The following ADGRG1 variants were observed in gnomAD, a reference collection of about 807,000 sequenced individuals.
ADGRG1 encodes 7-transmembrane protein with no EGF-like N-terminal domains-1.
Under a neutral mutation model 73.5 loss-of-function variants are expected in ADGRG1, and 53 were observed. The observed-to-expected ratio is 0.72, with a 90% CI of 0.58 to 0.91. The LOEUF is 0.91. ADGRG1 is among the 40% of genes least tolerant of loss of function. The pLI is 0.00. For missense variants in ADGRG1, 795 were observed against 871.8 expected (o/e 0.91, Z 1.11); for synonymous variants, 394 against 374.4 (o/e 1.05, Z -0.60).
rs2046554150 is a variant in ADGRG1 at position 57,659,529 on chromosome 16, G to A, written c.1403G>A (p.Gly468Asp). The A allele has an allele frequency of 3.1e-6, 5 of 1,613,966 alleles. No homozygotes were observed. The highest frequency in any genetic ancestry group is 4.2e-6 in the Non-Finnish European group (5 of 1,180,014). The change falls in exon 11 of 14, where the codon GGC (glycine) becomes GAC (aspartate). Residue 468 changes from glycine to aspartate, a missense_variant. By Grantham distance (94) the Gly-to-Asp change is moderately conservative. Coordinates refer to ENST00000562631, the MANE Select transcript of ADGRG1 (RefSeq NM_201525.4). Reference sequence around the variant, plus strand: ...GTGGCCCTGACAGGCTCTGAGGCTGGCTGCCGAGCCAGTGCCATCTTCCTG... The same window carrying A: ...GTGGCCCTGACAGGCTCTGAGGCTGACTGCCGAGCCAGTGCCATCTTCCTG... ...EPVALTGSEA[G>D]CRASAIFLHF... is the part of the protein sequence containing the mutation.
intron 1 of ADGRG1, chr16:57,637,517 G>T: frequency 1.0e-6 from 1 of 985,408 alleles, no homozygotes; most frequent in Admixed American, 6.1e-5. Context: ...TTAAGCACAG[G>T]ATCCTTTGAT....
chr16:57,635,071 G>T, intron 1 of ADGRG1: 1 of 985,342 alleles, frequency 1.0e-6, no homozygotes, highest in Non-Finnish European at 1.2e-6. Flanking sequence ...GAGTGAACAG[G>T]GAGAGGCTGA....
intron 1 of ADGRG1, chr16:57,648,681 G>C (rs1304879867): frequency 1.0e-6 from 1 of 984,496 alleles, no homozygotes; most frequent in Non-Finnish European, 1.2e-6. Context: ...GACTCCACGT[G>C]TGTTCTCCGG....
upstream of ADGRG1, chr16:57,626,597 G>A (rs867292785): frequency 9.1e-6 from 9 of 985,446 alleles, no homozygotes; most frequent in African/African-American, 1.6e-4. Flanking sequence ...AGCCCCATAA[G>A]CCTCTCCTAT....
At chr16:57,625,613 C>A (rs2035692312), upstream of ADGRG1, 1 of 981,040 alleles carries the variant, frequency 1.0e-6, no homozygotes, top group East Asian at 1.1e-4. Flanking sequence ...GGGCTTCTCA[C>A]ACCTCCAATT....
intron 1 of ADGRG1, chr16:57,632,795 G>A (rs16958457): frequency 0.027 from 26,286 of 985,120 alleles, 993 homozygotes; most frequent in East Asian, 0.21. Flanking sequence ...TCCGGGCACC[G>A]GTGGACAGGC....
chr16:57,661,544 A>T (rs1367554901), intron 12 of ADGRG1, 153 bp from the exon 13 acceptor site: 1 of 984,384 alleles, frequency 1.0e-6, no homozygotes, highest in Non-Finnish European at 1.2e-6. Flanking sequence ...TGTTAACTCA[A>T]ATGTATTTTT....
At chr16:57,662,075 C>T in intron 13 of ADGRG1, 110 bp downstream of exon 13, 1 of 880,618 alleles carries the variant, frequency 1.1e-6, no homozygotes, top group Non-Finnish European at 1.9e-6. Flanking sequence ...GGGCCTCAGT[C>T]ATCCCATTCA....
At chr16:57,656,638 C>G in intron 9 of ADGRG1, 21 bp downstream of exon 9, 1 of 1,388,956 alleles carries the variant, frequency 7.2e-7, no homozygotes, top group Non-Finnish European at 1.0e-6. Flanking sequence ...CTGCTCCCAC[C>G]TCGCAGCCAC....
chr16:57,651,693 G>T, intron 3 of ADGRG1, 71 bp downstream of exon 3: 1 of 1,535,342 alleles, frequency 6.5e-7, no homozygotes. Context: ...AATGCAAAGT[G>T]GACTGGGCTC....
intron 1 of ADGRG1, chr16:57,632,077 G>A: frequency 1.0e-6 from 1 of 985,500 alleles, no homozygotes; most frequent in Non-Finnish European, 1.2e-6. Flanking sequence ...CCTGGGCTCA[G>A]TGCCTTGCAC....
At chr16:57,656,933 T>G (rs1274800180) in intron 9 of ADGRG1, among the ~76,000 whole-genome samples, 1 of 152,136 alleles carries the variant, frequency 6.6e-6, no homozygotes, top group Non-Finnish European at 1.5e-5. Flanking sequence ...CCAAGAGTGT[T>G]TCTAATGAGG....
At chr16:57,632,480 G>A (rs570514485) in intron 1 of ADGRG1, 1 of 308,186 alleles carries the variant, frequency 3.2e-6, no homozygotes, top group East Asian at 1.7e-4. Flanking sequence ...TCCCATACGT[G>A]GGAATGTTAA....
chr16:57,624,613 C>T (rs1410455811), upstream of ADGRG1: 1 of 422,440 alleles, frequency 2.4e-6, no homozygotes, highest in Non-Finnish European at 3.2e-6. Context: ...AATGCTGCTG[C>T]TCTGGCCAGA....
At position 57,655,959 on chromosome 16, in the gene ADGRG1, C is replaced by T. The variant is rs535653186; in HGVS notation, c.984C>T (p.Pro328=). ...CCAAAGTAGCCAACCTCACGGAGCCCGTGGTGCTCACTTTCCAGCACCAGC... is the reference window on the plus strand; with the variant it reads ...CCAAAGTAGCCAACCTCACGGAGCCTGTGGTGCTCACTTTCCAGCACCAGC... ...QNTKVANLTE[P]VVLTFQHQLQ... is the part of the protein sequence containing the mutation. The change falls in exon 7 of 14, where the codon CCC becomes CCT. Residue 328 remains proline, a synonymous_variant. Coordinates refer to ENST00000562631, the MANE Select transcript of ADGRG1 (RefSeq NM_201525.4). 29 of 1,614,084 alleles carry T rather than the reference C, an allele frequency of 1.8e-5. No individual in the cohort carries two copies. Among genetic ancestry groups the T allele is most frequent in the East Asian group, 8.9e-5 (4 of 44,882 alleles).
chr16:57,638,548 G>A lies in ADGRG1; in HGVS notation c.-36+9746G>A, dbSNP rs12051279. ...AGGCCTAGGGCTAACTCAGAAGGGG[G>A]ATTCTTGGTAGGCTGTGGCAATCTG... On this transcript the variant is annotated intron_variant, in intron 1 of 13. Coordinates refer to ENST00000562631, the MANE Select transcript of ADGRG1 (RefSeq NM_201525.4). Among the ~76,000 whole-genome samples, 2,574 of 152,314 alleles carry A rather than the reference G, an allele frequency of 0.017. 154 individuals carry two copies. The East Asian group carries it at 0.21, about 12-fold the overall frequency.
At position 57,651,544 on chromosome 16, in the gene ADGRG1, G is replaced by A. The variant is rs767189768; in HGVS notation, c.409G>A (p.Ala137Thr). 5 of 1,614,092 alleles carry A rather than the reference G, an allele frequency of 3.1e-6. No homozygotes were observed. In the East Asian group the frequency reaches 6.7e-5, roughly 22 times the overall value. Residue 137 changes from alanine to threonine, a missense_variant, in exon 3 of 14, where the codon GCC becomes ACC. Coordinates refer to ENST00000562631, the MANE Select transcript of ADGRG1 (RefSeq NM_201525.4). ...CCTGGCTCAGGGCCCCCCGCTGTTA[G>A]CCACTTCTGTCACCTCCTGGTGGAG... ...ESLAQGPPLL[A>T]TSVTSWWSPQ...
At chr16:57,630,386 A>G (rs1455006131) in intron 1 of ADGRG1, 1 of 985,476 alleles carries the variant, frequency 1.0e-6, no homozygotes, top group Non-Finnish European at 1.2e-6. Context: ...TGCTGCAGGG[A>G]CCCGAGATAT....
chr16:57,657,244 C>A, intron 9 of ADGRG1, 129 bp from the exon 10 acceptor site: 1 of 1,332,500 alleles, frequency 7.5e-7, no homozygotes, highest in Non-Finnish European at 1.1e-6. Context: ...ACATTCTGCT[C>A]AGTTGGGAGA....
Sources: allele counts gnomAD v4.1 joint callset (sites outside exome capture counted in the v4.1 genomes callset), GRCh38; gene constraint gnomAD v4.1.1; transcripts MANE v1.5; gene names NCBI Gene and HGNC (gene_info 2026-07-23, HGNC 2026-07-21).